Variants in APBA2 observed in about 807,000 individuals in gnomAD.
APBA2 encodes amyloid-beta A4 precursor protein-binding family A member 2.
In APBA2, 30 loss-of-function variants were observed where a neutral mutation model predicts 75.0. The ratio of observed to expected loss-of-function variants is 0.40; its 90% confidence interval spans 0.30 to 0.54. The LOEUF (loss-of-function observed/expected upper bound fraction) is 0.54, where lower values mean the gene tolerates loss of function less well. Among genes scored for constraint, APBA2 ranks in the 20% least tolerant of loss-of-function variants. The pLI is 0.49. For synonymous variants in APBA2, 444 were observed against 409.6 expected (o/e 1.08, Z -1.01); for missense variants, 801 against 1,016.1 (o/e 0.79, Z 2.88).
At chr15:29,056,234 A>G (rs2041879558) in intron 4 of APBA2, among the ~76,000 whole-genome samples, 1 of 152,228 alleles carries the variant, frequency 6.6e-6, no homozygotes, top group Non-Finnish European at 1.5e-5. Flanking sequence ...TAATTTGGGT[A>G]AAAACACAGA....
chr15:29,107,579 G>A (rs1163040906), intron 12 of APBA2, among the ~76,000 whole-genome samples: 1 of 152,192 alleles, frequency 6.6e-6, no homozygotes, highest in Non-Finnish European at 1.5e-5. Context: ...CTGGCTCTCG[G>A]AGCTGGCCCG....
intron 1 of APBA2, among the ~76,000 whole-genome samples, chr15:28,896,521 C>T (rs1291777149): frequency 1.3e-5 from 2 of 152,202 alleles, no homozygotes; most frequent in Non-Finnish European, 2.9e-5. Context: ...CCTCATGATT[C>T]GCCCACATCG....
At chr15:28,987,813 G>A (rs1321853964) in intron 2 of APBA2, among the ~76,000 whole-genome samples, 1 of 146,482 alleles carries the variant, frequency 6.8e-6, no homozygotes, top group Middle Eastern at 3.6e-3. Context: ...CTGGAGTGCA[G>A]TGATGTGATC....
chr15:28,898,177 C>T (rs2032627125), intron 1 of APBA2, among the ~76,000 whole-genome samples: 2 of 152,186 alleles, frequency 1.3e-5, no homozygotes, highest in African/African-American at 2.4e-5. Context: ...ATGTAGACTT[C>T]TAGCCTCCAG....
chr15:28,989,211 C>G (rs562298535), intron 2 of APBA2, among the ~76,000 whole-genome samples: 1 of 151,976 alleles, frequency 6.6e-6, no homozygotes, highest in South Asian at 2.1e-4. Flanking sequence ...TCTTTTCTTC[C>G]TTCTAACATA....
At chr15:28,923,260 C>G (rs1595464965) in intron 2 of APBA2, among the ~76,000 whole-genome samples, 1 of 152,312 alleles carries the variant, frequency 6.6e-6, no homozygotes, top group South Asian at 2.1e-4. Context: ...TAGATTACCA[C>G]TTCCAGCTCT....
intron 13 of APBA2, among the ~76,000 whole-genome samples, chr15:29,111,973 T>A (rs996530394): frequency 6.6e-6 from 1 of 152,208 alleles, no homozygotes; most frequent in Admixed American, 6.5e-5. Flanking sequence ...GCCTCTACTT[T>A]CAGGAGCCTG....
At position 28,921,663 on chromosome 15, in the gene APBA2, T is replaced by C. The variant is rs1433902683; in HGVS notation, c.-181T>C. On this transcript the variant is annotated 5_prime_UTR_variant, in exon 2 of 15. Coordinates refer to ENST00000683413, the MANE Select transcript of APBA2 (RefSeq NM_001353788.2). Reference sequence around the variant, plus strand: ...AGTCTCCTGAATATTTACGCGTTGCTGAATCTCCTGTGGACAAACCACCAA... The same window carrying C: ...AGTCTCCTGAATATTTACGCGTTGCCGAATCTCCTGTGGACAAACCACCAA... 6.6e-6 allele frequency: 1 copy of C among 152,238 alleles called. No homozygotes were observed. Among genetic ancestry groups the C allele is most frequent in the African/African-American group, 2.4e-5 (1 of 41,470 alleles). 9.4% of individuals were successfully genotyped at this position (152,238 alleles called of 1,614,324 possible).
intron 14 of APBA2, among the ~76,000 whole-genome samples, chr15:29,116,401 CG>C (rs2045143122): frequency 6.6e-6 from 1 of 151,936 alleles, no homozygotes; most frequent in East Asian, 1.9e-4. Context: ...CCGAGGCGGG[CG>C]TATCACGAGG....
At chr15:28,904,833 A>G (rs2033057839) in intron 1 of APBA2, among the ~76,000 whole-genome samples, 1 of 152,164 alleles carries the variant, frequency 6.6e-6, no homozygotes, top group Non-Finnish European at 1.5e-5. Flanking sequence ...GGAGAATTTT[A>G]GAGACTTCCC....
In APBA2 at chr15:28,936,526, A is replaced by G. The variant is rs546953983; in HGVS notation, c.-95+14777A>G. On this transcript the variant is annotated intron_variant, in intron 2 of 14. Coordinates refer to ENST00000683413, the MANE Select transcript of APBA2 (RefSeq NM_001353788.2). ...CAGCGTAGTCCCCAGTGTATTTCGCAGAAGTGATAGCAGCTTTATTCCCAA... is the reference window on the plus strand; with the variant it reads ...CAGCGTAGTCCCCAGTGTATTTCGCGGAAGTGATAGCAGCTTTATTCCCAA... 1.2e-4 allele frequency among the ~76,000 whole-genome samples: 18 copies of G among 152,098 alleles called. No homozygotes were observed. In the South Asian group the frequency reaches 3.5e-3, roughly 30 times the overall value.
chr15:29,052,098 C>T lies in APBA2; in HGVS notation c.-40-1747C>T, dbSNP rs1037497640. On this transcript the variant is annotated intron_variant, in intron 3 of 14. Coordinates refer to ENST00000683413, the MANE Select transcript of APBA2 (RefSeq NM_001353788.2). ...TTGAACTATCATGCAAGCAAAAAGG[C>T]ATGTGTAATGTAAGAGTACAGTTTA... Among the ~76,000 whole-genome samples, 5 of 152,100 alleles carry T rather than the reference C, an allele frequency of 3.3e-5. No individual in the cohort carries two copies. In the East Asian group the frequency reaches 9.7e-4, roughly 29 times the overall value.
intron 2 of APBA2, among the ~76,000 whole-genome samples, chr15:28,922,665 C>G (rs2034036572): frequency 6.6e-6 from 1 of 152,148 alleles, no homozygotes; most frequent in African/African-American, 2.4e-5. Flanking sequence ...CTCCCACTGG[C>G]CTCCCCATGG....
chr15:29,065,595 A>G (rs1478936219), intron 4 of APBA2, among the ~76,000 whole-genome samples: 2 of 152,178 alleles, frequency 1.3e-5, no homozygotes, highest in Non-Finnish European at 2.9e-5. Context: ...GTGGAATGGA[A>G]TGGAGCCCTC....
intron 2 of APBA2, among the ~76,000 whole-genome samples, chr15:28,935,110 G>C (rs8032598): frequency 0.011 from 1,711 of 152,296 alleles, 40 homozygotes; most frequent in African/African-American, 0.04. Flanking sequence ...GAGTGAACTG[G>C]AACGAGGAGA....
intron 1 of APBA2, among the ~76,000 whole-genome samples, chr15:28,891,390 A>T (rs1341461268): frequency 1.3e-5 from 2 of 152,002 alleles, no homozygotes; most frequent in Non-Finnish European, 2.9e-5. Flanking sequence ...CCCATTTTGT[A>T]TCAGATTTGT....
intron 1 of APBA2, among the ~76,000 whole-genome samples, chr15:28,908,154 G>A (rs2033231098): frequency 6.6e-6 from 1 of 152,156 alleles, no homozygotes; most frequent in Non-Finnish European, 1.5e-5. Context: ...AGCCCTGTGG[G>A]CCTGGATAAG....
Position 29,045,102 on chromosome 15 carries a change from TC to T in APBA2, c.-40-8742del, listed in dbSNP as rs1466129322. 1.5e-3 allele frequency among the ~76,000 whole-genome samples: 217 copies of T among 141,074 alleles called. 2 individuals are homozygous for T. The highest frequency in any genetic ancestry group is 2.7e-3 in the Non-Finnish European group (178 of 66,156). The allele number at this position is 141,074 out of a possible 152,430, so 92.6% of individuals were successfully genotyped here. ...CTCTCTCTCTCTCTCTCTCTCTCTC[TC>T]GTCTCGCACTGTCACCTGGGCTGGA... is the stretch of plus-strand genomic sequence containing the variant. On this transcript the variant is annotated intron_variant, in intron 3 of 14. Transcript: ENST00000683413.
chr15:28,990,620 C>G (rs2038178222), intron 2 of APBA2: 1 of 152,180 alleles, frequency 6.6e-6, no homozygotes, highest in Non-Finnish European at 1.5e-5. Context: ...TCTATATCTG[C>G]ACTCCCAACT....
Sources: gnomAD v4.1 joint callset for allele counts (sites outside exome capture counted in the v4.1 genomes callset) on GRCh38, gnomAD v4.1.1 for gene constraint, MANE v1.5 for transcripts, NCBI Gene and HGNC (gene_info 2026-07-23, HGNC 2026-07-21) for gene names.